Variants in CNTNAP5 observed in about 807,000 individuals in gnomAD.
CNTNAP5 encodes contactin associated protein family member 5, also known as contactin-associated protein-like 5.
A neutral mutation model predicts 150.2 loss-of-function variants in CNTNAP5; 72 were observed. The ratio of observed to expected loss-of-function variants is 0.48; its 90% confidence interval spans 0.40 to 0.58. The LOEUF is 0.58. Ranked by LOEUF, CNTNAP5 falls within the 20% of genes least tolerant of loss-of-function variation. CNTNAP5 has a pLI of 0.00. For synonymous variants in CNTNAP5, 672 were observed against 619.8 expected, an observed-to-expected ratio of 1.08 and a Z score of -1.25; for missense variants, 1,636 against 1,626.2, an observed-to-expected ratio of 1.01 and a Z score of -0.10.
chr2:124,068,111 C>T (rs559515599), intron 1 of CNTNAP5, among the ~76,000 whole-genome samples: 1 of 150,548 alleles, frequency 6.6e-6, no homozygotes, highest in East Asian at 2.0e-4. Flanking sequence ...TACACAAACG[C>T]ACATTTACAA....
chr2:124,520,045 T>C (rs1466265300), intron 8 of CNTNAP5, among the ~76,000 whole-genome samples: 1 of 152,230 alleles, frequency 6.6e-6, no homozygotes, highest in East Asian at 1.9e-4. Context: ...AATTCCAGTA[T>C]AATATAAAAG....
intron 10 of CNTNAP5, among the ~76,000 whole-genome samples, chr2:124,530,067 T>C (rs1695068201): frequency 6.6e-6 from 1 of 152,152 alleles, no homozygotes; most frequent in Non-Finnish European, 1.5e-5. Flanking sequence ...ATTCCAGTAC[T>C]TTAGGAGGCC....
intron 21 of CNTNAP5, among the ~76,000 whole-genome samples, chr2:124,880,858 G>A (rs1313631002): frequency 1.3e-5 from 2 of 152,090 alleles, no homozygotes; most frequent in East Asian, 1.9e-4. Context: ...TAGCTGAGAT[G>A]ACCCAGAATG....
intron 20 of CNTNAP5, among the ~76,000 whole-genome samples, chr2:124,866,876 AG>A (rs1266967059): frequency 6.6e-6 from 1 of 152,152 alleles, no homozygotes; most frequent in Admixed American, 6.6e-5. Flanking sequence ...AACAATTGCC[AG>A]TTTGTCTTAA....
At chr2:124,750,417 G>A (rs1424777432) in intron 14 of CNTNAP5, among the ~76,000 whole-genome samples, 2 of 152,128 alleles carry the variant, frequency 1.3e-5, no homozygotes, top group African/African-American at 4.8e-5. Flanking sequence ...CAACACTTCT[G>A]AGCTTCATTC....
At chr2:124,585,669 C>A (rs201072990) in intron 11 of CNTNAP5, among the ~76,000 whole-genome samples, 3 of 66,408 alleles carry the variant, frequency 4.5e-5, no homozygotes, top group African/African-American at 1.8e-4. Context: ...GAGCTTGAAG[C>A]TTTTTTTTTT....
intron 11 of CNTNAP5, among the ~76,000 whole-genome samples, chr2:124,569,541 T>G (rs1000465365): frequency 1.3e-5 from 2 of 152,246 alleles, no homozygotes; most frequent in African/African-American, 4.8e-5. Flanking sequence ...TAGTGATTAC[T>G]GTCACATTGA....
intron 21 of CNTNAP5, among the ~76,000 whole-genome samples, chr2:124,885,986 G>T (rs1439902837): frequency 6.6e-6 from 1 of 151,864 alleles, no homozygotes; most frequent in African/African-American, 2.4e-5. Context: ...CATATCTCTG[G>T]GAGGGGATTT....
chr2:124,145,794 T>TAAAAAAAAAAAAAAAATAAAAAAAAAA (rs759470861), intron 1 of CNTNAP5, among the ~76,000 whole-genome samples: 1 of 29,530 alleles, frequency 3.4e-5, no homozygotes, highest in African/African-American at 1.1e-4. Flanking sequence ...TAAAGTATAA[T>TAAAAAAAAAAAAAAAATAAAAAAAAAA]AAAAAAAAAA....
At chr2:124,582,356 T>C (rs183780244) in intron 11 of CNTNAP5, among the ~76,000 whole-genome samples, 24 of 152,272 alleles carry the variant, frequency 1.6e-4, no homozygotes, top group African/African-American at 5.5e-4. Flanking sequence ...GGCAGCTGAT[T>C]TCCCCTGTCA....
chr2:124,290,874 CTTTATTTATTTATTTATTTA>C (rs59044145), intron 3 of CNTNAP5, among the ~76,000 whole-genome samples: 3 of 148,442 alleles, frequency 2.0e-5, no homozygotes, highest in African/African-American at 5.0e-5. Context: ...ATCTTCCTTC[CTTTATTTATTTATTTATTTA>C]TTTATTTATT....
At chr2:124,271,426 T>C (rs1041869529) in intron 3 of CNTNAP5, among the ~76,000 whole-genome samples, 18 of 151,780 alleles carry the variant, frequency 1.2e-4, no homozygotes, top group Non-Finnish European at 2.9e-5. Context: ...GAGATGGGGG[T>C]TGGCTAGAAG....
rs535811018 is a variant in CNTNAP5 at position 124,675,198 on chromosome 2, C to G, written c.2077+27240C>G. ...ATTTTCTCTTATTATTATAAAATGT[C>G]CTTCTTTGTCATTAGTAACAATTGA... On this transcript the variant is annotated intron_variant, in intron 13 of 23. Transcript: ENST00000682447. Among the ~76,000 whole-genome samples, 12 of 152,028 alleles carry G rather than the reference C, an allele frequency of 7.9e-5. No individual in the cohort carries two copies. In the South Asian group the frequency reaches 2.5e-3, roughly 32 times the overall value.
intron 4 of CNTNAP5, among the ~76,000 whole-genome samples, chr2:124,423,809 C>T (rs377457743): frequency 4.6e-4 from 67 of 146,006 alleles, no homozygotes; most frequent in East Asian, 3.7e-3. Context: ...GGACTACAGG[C>T]GCCCGCTACC....
At chr2:124,538,516 AAAAG>A (rs1695295854) in intron 10 of CNTNAP5, among the ~76,000 whole-genome samples, 1 of 151,564 alleles carries the variant, frequency 6.6e-6, no homozygotes, top group African/African-American at 2.4e-5. Flanking sequence ...ACTCTGTCAG[AAAAG>A]AAAGAAAGAA....
intron 16 of CNTNAP5, among the ~76,000 whole-genome samples, chr2:124,770,456 G>T (rs1006779457): frequency 6.6e-6 from 1 of 152,146 alleles, no homozygotes; most frequent in African/African-American, 2.4e-5. Flanking sequence ...TTATCCACAA[G>T]ACTAGCCTTG....
intron 1 of CNTNAP5, among the ~76,000 whole-genome samples, chr2:124,216,917 G>C (rs1686172450): frequency 6.6e-6 from 1 of 152,104 alleles, no homozygotes; most frequent in Admixed American, 6.5e-5. Flanking sequence ...TAATGGGATG[G>C]CTGGGTCAAA....
At chr2:124,501,387 A>G (rs1410592323) in intron 7 of CNTNAP5, among the ~76,000 whole-genome samples, 2 of 152,238 alleles carry the variant, frequency 1.3e-5, no homozygotes, top group Non-Finnish European at 2.9e-5. Flanking sequence ...GCTTTGGGGA[A>G]TGAAACTTCC....
At chr2:124,782,733 C>T (rs760169019) in intron 17 of CNTNAP5, among the ~76,000 whole-genome samples, 8 of 152,098 alleles carry the variant, frequency 5.3e-5, no homozygotes, top group Admixed American at 2.6e-4. Context: ...GAGTATAAAT[C>T]GAAACAGTTA....
Sources: allele counts gnomAD v4.1 joint callset (sites outside exome capture counted in the v4.1 genomes callset), GRCh38; gene constraint gnomAD v4.1.1; transcripts MANE v1.5; gene names NCBI Gene and HGNC (gene_info 2026-07-23, HGNC 2026-07-21).